FASN: variants seen among roughly 807,000 people sequenced by gnomAD.
FASN encodes the protein fatty acid synthase, also known as 3-hydroxyacyl-[acyl-carrier-protein] dehydratase.
Under a neutral mutation model 250.0 loss-of-function variants are expected in FASN, and 50 were observed. That is an observed-to-expected ratio of 0.20 (90% confidence interval 0.16 to 0.25). The LOEUF is 0.25. Ranked by LOEUF, FASN falls within the 10% of genes least tolerant of loss-of-function variation. The pLI is 1.00. For synonymous variants in FASN, 1,909 were observed against 1,584.0 expected, an observed-to-expected ratio of 1.21 and a Z score of -4.87; for missense variants, 3,031 against 3,498.5, an observed-to-expected ratio of 0.87 and a Z score of 3.37.
Position 82,089,364 on chromosome 17 carries a change from C to T in FASN, c.1986G>A (p.Val662=), listed in dbSNP as rs1202534448. The T allele has an allele frequency of 4.3e-6, 7 of 1,612,826 alleles. No homozygotes were observed. The highest frequency in any genetic ancestry group is 4.5e-5 in the East Asian group (2 of 44,880). Residue 662 remains valine (V), a synonymous_variant, in exon 13 of 43, where the codon GTG becomes GTA. Coordinates refer to ENST00000306749, the MANE Select transcript of FASN (RefSeq NM_004104.5). Reference sequence around the variant, plus strand: ...ACACACCCTCCTTCCTCAGCTGCTCCACGAACTCAAACACCGGGGCCTGGA... The same window carrying T: ...ACACACCCTCCTTCCTCAGCTGCTCTACGAACTCAAACACCGGGGCCTGGA... ...SGPQAPVFEF[V]EQLRKEGVFA... is the part of the protein sequence containing the mutation.
In FASN at chr17:82,085,415, T is replaced by C; in HGVS notation, c.4123-13A>G. 6.2e-7 allele frequency: 1 copy of C among 1,607,444 alleles called. No homozygotes were observed. The highest frequency in any genetic ancestry group is 1.1e-5 in the South Asian group (1 of 90,206). On this transcript the variant is annotated splice_polypyrimidine_tract_variant and intron_variant, in intron 23 of 42. Coordinates refer to ENST00000306749, the MANE Select transcript of FASN (RefSeq NM_004104.5). ...TCTCCCACGCGTCCTGTGGGGGCGG[T>C]GGTCAGCACCCTGCCCGCCTGGCCC...
intron 22 of FASN, 121 bp downstream of exon 22, chr17:82,086,133 A>C (rs546135302): frequency 6.7e-7 from 1 of 1,488,078 alleles, no homozygotes; most frequent in Non-Finnish European, 9.0e-7. Flanking sequence ...CACACAGGGA[A>C]CTGGCCGGCC....
Position 82,084,956 on chromosome 17 carries a change from G to T in FASN, c.4410-3C>A. On this transcript the variant is annotated splice_region_variant and splice_polypyrimidine_tract_variant and intron_variant, in intron 25 of 42. Transcript: ENST00000306749. ...TGAGGTTGGAGAGCAGCACACACCTGGGGGCAGAGGCGGGGAGCTCAGGCT... is the reference window on the plus strand; with the variant it reads ...TGAGGTTGGAGAGCAGCACACACCTTGGGGCAGAGGCGGGGAGCTCAGGCT... 3 of 1,562,742 alleles carry T rather than the reference G, an allele frequency of 1.9e-6. No homozygotes were observed. Among genetic ancestry groups the T allele is most frequent in the Non-Finnish European group, 2.6e-6 (3 of 1,153,768 alleles).
At chr17:82,081,889 TGGGGA>T in intron 36 of FASN, 46 bp from the exon 37 acceptor site, 1 of 306,438 alleles carries the variant, frequency 3.3e-6, no homozygotes, top group South Asian at 3.5e-5. Flanking sequence ...GAGGTCGGGG[TGGGGA>T]GTGGCCACTG....
chr17:82,079,979 A>G (rs2144778477), intron 41 of FASN, 161 bp downstream of exon 41: 2 of 816,686 alleles, frequency 2.4e-6, no homozygotes. Flanking sequence ...AAGTGCCGGG[A>G]TTACAGGCAT....
intron 38 of FASN, 105 bp downstream of exon 38, chr17:82,081,059 C>T: frequency 5.6e-6 from 8 of 1,436,810 alleles, no homozygotes; most frequent in Admixed American, 2.0e-5. Context: ...CAGAATGGCA[C>T]CCGTGACGAA....
chr17:82,084,985 G>T, intron 25 of FASN, 32 bp from the exon 26 acceptor site: 2 of 1,574,612 alleles, frequency 1.3e-6, no homozygotes, highest in East Asian at 2.3e-5. Flanking sequence ...TCAGGCTGGG[G>T]ATGGGGAGGC....
Position 82,090,578 on chromosome 17 carries a change from A to T in FASN, c.1681-14T>A, listed in dbSNP as rs749653934. On this transcript the variant is annotated splice_polypyrimidine_tract_variant and intron_variant, in intron 10 of 42. Coordinates refer to ENST00000306749, the MANE Select transcript of FASN (RefSeq NM_004104.5). Reference sequence around the variant, plus strand: ...TATGAGGCCTATCTGGGGTGGGAACAGGACACTCAGGTTGCAACCTCCAGC... The same window carrying T: ...TATGAGGCCTATCTGGGGTGGGAACTGGACACTCAGGTTGCAACCTCCAGC... The T allele has an allele frequency of 1.9e-6, 3 of 1,607,388 alleles. No homozygotes were observed. The African/African-American group carries it at 4.0e-5, about 21-fold the overall frequency.
In FASN at chr17:82,080,191, C is replaced by T. The variant is rs769606313; in HGVS notation, c.7095G>A (p.Thr2365=). 3.2e-5 allele frequency: 52 copies of T among 1,613,112 alleles called. No homozygotes were observed. The highest frequency in any genetic ancestry group is 1.6e-4 in the African/African-American group (12 of 74,948). The part of the protein sequence containing the change: ...LTPGCEAEAE[T]EAICFFVQQF... ...GCTGCACGAAGAAGCATATGGCCTC[C>T]GTCTCAGCCTCAGCCTCACAGCCTG... Residue 2365 remains threonine (T), a synonymous_variant, in exon 41 of 43, where the codon ACG becomes ACA. Transcript: ENST00000306749.
At position 82,093,327 on chromosome 17, in the gene FASN, C is replaced by T. The variant is rs1164293207; in HGVS notation, c.547G>A (p.Ala183Thr). ...QAIHSGQCPA[A>T]IVGGINVLLK... ...AGGACATTGATGCCCCCCACGATGG[C>T]GGCAGGGCACTGCCCGCTGTGGATG... The change falls in exon 5 of 43, where the codon GCC (alanine) becomes ACC (threonine). Residue 183 changes from alanine (A) to threonine (T), a missense_variant. Physicochemically the swap from Ala to Thr is moderately conservative, Grantham distance 58. Coordinates refer to ENST00000306749, the MANE Select transcript of FASN (RefSeq NM_004104.5). 1.9e-6 allele frequency: 3 copies of T among 1,600,914 alleles called. No homozygotes were observed. Among genetic ancestry groups the T allele is most frequent in the Admixed American group, 1.7e-5 (1 of 58,072 alleles).
rs1315039323 is a variant in FASN, at chr17:82,086,483, T to G, written c.3503A>C (p.Gln1168Pro). 1 of 1,612,558 alleles carries G rather than the reference T, an allele frequency of 6.2e-7. No individual in the cohort carries two copies. The highest frequency in any genetic ancestry group is 1.1e-5 in the South Asian group (1 of 91,084). ...CTGCTGTGAGGGGTCCCGGGGGATC[T>G]GGGCCCCATCCAGTCCGGGCACCAC... ...KMVVPGLDGA[Q>P]IPRDPSQQEL... Residue 1168 changes from glutamine (Q) to proline (P), a missense_variant, in exon 22 of 43, where the codon CAG (glutamine) becomes CCG (proline). By Grantham distance (76) the Gln-to-Pro change is moderately conservative (BLOSUM62 -1). Transcript: ENST00000306749.
At position 82,080,883 on chromosome 17, in the gene FASN, T is replaced by A; in HGVS notation, c.6635A>T (p.Gln2212Leu). 6.2e-7 allele frequency: 1 copy of A among 1,611,206 alleles called. No individual in the cohort carries two copies. Among genetic ancestry groups the A allele is most frequent in the Non-Finnish European group, 8.5e-7 (1 of 1,179,524 alleles). ...GCGCAGGTTCAGCTGAGTCTGCTGC[T>A]GGGCCAGACCATCCTCCTTGGGCGT... Reference protein sequence around the residue: ...CPTPKEDGLAQQQTQLNLRSL... With the variant: ...CPTPKEDGLALQQTQLNLRSL... The change falls in exon 39 of 43, where the codon CAG (glutamine) becomes CTG (leucine). Residue 2212 changes from glutamine (Q) to leucine (L), a missense_variant. Transcript: ENST00000306749.
At chr17:82,081,490 C>T in intron 37 of FASN, 111 bp downstream of exon 37, 1 of 1,589,186 alleles carries the variant, frequency 6.3e-7, no homozygotes, top group Non-Finnish European at 8.5e-7. Context: ...CGCCCGCACC[C>T]TGGCTCTGCA....
At position 82,080,154 on chromosome 17, in the gene FASN, T is replaced by C. The variant is rs1467397845; in HGVS notation, c.7132A>G (p.Met2378Val). The change falls in exon 41 of 43, where the codon ATG (methionine) becomes GTG (valine). Residue 2378 changes from methionine to valine, a missense_variant. Transcript: ENST00000306749. ...CCAGGACCCACCCTGTTGTGCTCCA[T>C]GTCCGTGAACTGCTGCACGAAGAAG... is the stretch of plus-strand genomic sequence containing the variant. ...ICFFVQQFTDMEHNRVLEALL... is the reference protein window; with the variant it reads ...ICFFVQQFTDVEHNRVLEALL... 4.3e-6 allele frequency: 7 copies of C among 1,613,084 alleles called. No individual in the cohort carries two copies. The highest frequency in any genetic ancestry group is 5.9e-6 in the Non-Finnish European group (7 of 1,180,018).
rs1049655156 is a variant in FASN at position 82,079,676 on chromosome 17, C to A, written c.7147-68G>T. The A allele has an allele frequency of 1.3e-5, 20 of 1,525,794 alleles. No homozygotes were observed. The East Asian group carries it at 4.4e-4, about 34-fold the overall frequency. The allele number at this position is 1,525,794 out of a possible 1,614,324, so 94.5% of individuals were successfully genotyped here. A position where few individuals can be genotyped will look rare whatever the true frequency, so the allele number is the denominator to read the frequency against. ...CACCGGCCTGCCCTGTGCTACACTGCGGGTGGGCTTTTTTTTTTTGAGACG... is the reference window on the plus strand; with the variant it reads ...CACCGGCCTGCCCTGTGCTACACTGAGGGTGGGCTTTTTTTTTTTGAGACG... On this transcript the variant is annotated intron_variant, in intron 41 of 42. Coordinates refer to ENST00000306749, the MANE Select transcript of FASN (RefSeq NM_004104.5).
chr17:82,087,266 G>A lies in FASN; in HGVS notation c.3224-13C>T, dbSNP rs1334026788. The A allele has an allele frequency of 6.2e-7, 1 of 1,605,422 alleles. No individual in the cohort carries two copies. The highest frequency in any genetic ancestry group is 1.7e-5 in the Admixed American group (1 of 58,594). On this transcript the variant is annotated splice_polypyrimidine_tract_variant and intron_variant, in intron 20 of 42. Coordinates refer to ENST00000306749, the MANE Select transcript of FASN (RefSeq NM_004104.5). ...ACCACGTCAGCCACTGTGGGGACAG[G>A]CTGGGTGAGTGCGGCATACTTGGGT...
intron 19 of FASN, 26 bp from the exon 20 acceptor site, chr17:82,087,530 G>A (rs760104895): frequency 5.0e-6 from 8 of 1,610,634 alleles, no homozygotes; most frequent in Non-Finnish European, 6.8e-6. Flanking sequence ...GGTTGGTGCT[G>A]TGGAACTCCC....
chr17:82,095,086 G>C (rs1598585095), intron 3 of FASN, among the ~76,000 whole-genome samples: 1 of 152,240 alleles, frequency 6.6e-6, no homozygotes, highest in African/African-American at 2.4e-5. Context: ...GAAGCGAGGA[G>C]ACTGGTACGC....
chr17:82,091,262 C>G lies in FASN; in HGVS notation c.1452G>C (p.Gln484His), dbSNP rs2034201111. Residue 484 changes from glutamine to histidine, a missense_variant, in exon 9 of 43, where the codon CAG (glutamine) becomes CAC (histidine). By Grantham distance (24) the Gln-to-His change is conservative. Coordinates refer to ENST00000306749, the MANE Select transcript of FASN (RefSeq NM_004104.5). ...GGERGGPEVQ[Q>H]VPAGERPLWF... Reference sequence around the variant, plus strand: ...AGAGCGGGCGCTCGCCAGCGGGCACCTGCTGCACCTCTGGGCCACCGCGCT... The same window carrying G: ...AGAGCGGGCGCTCGCCAGCGGGCACGTGCTGCACCTCTGGGCCACCGCGCT... 1 of 1,603,382 alleles carries G rather than the reference C, an allele frequency of 6.2e-7. No homozygotes were observed. Among genetic ancestry groups the G allele is most frequent in the Non-Finnish European group, 8.5e-7 (1 of 1,175,162 alleles).
Sources: gnomAD v4.1 joint callset for allele counts (sites outside exome capture counted in the v4.1 genomes callset) on GRCh38, gnomAD v4.1.1 for gene constraint, MANE v1.5 for transcripts, NCBI Gene and HGNC (gene_info 2026-07-23, HGNC 2026-07-21) for gene names.